CFAP20DC: variants seen among roughly 807,000 people sequenced by gnomAD.
CFAP20DC encodes protein CFAP20DC.
Under a neutral mutation model 101.7 loss-of-function variants are expected in CFAP20DC, and 84 were observed. That is an observed-to-expected ratio of 0.83 (90% confidence interval 0.69 to 0.99). The LOEUF is 0.99. CFAP20DC is among the 50% of genes least tolerant of loss of function. The pLI is 0.00. For missense variants in CFAP20DC, 1,007 were observed against 970.3 expected, an observed-to-expected ratio of 1.04 and a Z score of -0.50; for synonymous variants, 359 against 351.2, an observed-to-expected ratio of 1.02 and a Z score of -0.25.
intron 6 of CFAP20DC, among the ~76,000 whole-genome samples, chr3:58,896,415 T>C (rs1404331020): frequency 2.0e-5 from 3 of 152,294 alleles, no homozygotes; most frequent in African/African-American, 7.2e-5. Flanking sequence ...TTATTTCTTG[T>C]CTCCTGCTAG....
intron 6 of CFAP20DC, among the ~76,000 whole-genome samples, chr3:58,902,705 C>T (rs750874474): frequency 6.6e-6 from 1 of 152,104 alleles, no homozygotes; most frequent in Non-Finnish European, 1.5e-5. Context: ...TAGGACTCTA[C>T]ACAGATACCA....
At position 58,724,443 on chromosome 3, in the gene CFAP20DC, G is replaced by A. The variant is rs1459242061; in HGVS notation, c.198-6815C>T. Among the ~76,000 whole-genome samples the A allele has an allele frequency of 1.3e-5, 2 of 152,154 alleles. No individual in the cohort carries two copies. The highest frequency in any genetic ancestry group is 4.8e-5 in the African/African-American group (2 of 41,428). The stretch of plus-strand genomic sequence containing the variant: ...CCTCTCTCTTATCTGTAAACACTGT[G>A]TTCAAGGAGAAAGGCACTCCTTTGA... On this transcript the variant is annotated intron_variant, in intron 3 of 3. Coordinates refer to the CFAP20DC transcript ENST00000486145. The surrounding 1 kb of genome is among the most constrained non-coding windows in gnomAD (Gnocchi z 5.6).
chr3:58,995,692 C>T (rs555961794), intron 4 of CFAP20DC, among the ~76,000 whole-genome samples: 2 of 152,164 alleles, frequency 1.3e-5, no homozygotes, highest in South Asian at 4.1e-4. Flanking sequence ...AATTGCCTCT[C>T]AAATGTGGTT....
At chr3:58,755,087 C>T (rs1448841868) in intron 15 of CFAP20DC, among the ~76,000 whole-genome samples, 1 of 152,100 alleles carries the variant, frequency 6.6e-6, no homozygotes, top group South Asian at 2.1e-4. Context: ...ACAGTCTATA[C>T]AACAGAGATT....
In CFAP20DC at chr3:58,767,052, C is replaced by G. The variant is rs1364534266; in HGVS notation, c.2238-13189G>C. 3.3e-5 allele frequency among the ~76,000 whole-genome samples: 5 copies of G among 152,150 alleles called. No individual in the cohort carries two copies. The East Asian group carries it at 9.6e-4, about 29-fold the overall frequency. On this transcript the variant is annotated intron_variant, in intron 15 of 16. Transcript: ENST00000482387. ...TGATCATTTGATGAATGTCGCAACC[C>G]CATTAGACTCTAGCTCCTAGTAGAG...
chr3:58,823,891 A>G (rs931004178), intron 14 of CFAP20DC, among the ~76,000 whole-genome samples: 2 of 152,170 alleles, frequency 1.3e-5, no homozygotes, highest in Non-Finnish European at 2.9e-5. Context: ...TACAATTTAA[A>G]AAATCAGTTT....
At chr3:58,818,564 A>C in intron 14 of CFAP20DC, among the ~76,000 whole-genome samples, 1 of 149,552 alleles carries the variant, frequency 6.7e-6, no homozygotes. Context: ...ATAATGGTAA[A>C]GGGATCAATT....
intron 15 of CFAP20DC, among the ~76,000 whole-genome samples, chr3:58,762,760 T>C (rs2069775892): frequency 6.6e-6 from 1 of 152,218 alleles, no homozygotes; most frequent in South Asian, 2.1e-4. Flanking sequence ...CAGCATTTGC[T>C]TGTCTGTAAA....
At chr3:58,890,059 G>A (rs1413679790) in intron 6 of CFAP20DC, among the ~76,000 whole-genome samples, 2 of 150,498 alleles carry the variant, frequency 1.3e-5, no homozygotes, top group Non-Finnish European at 1.5e-5. Context: ...TTCTCAATGA[G>A]CTGTTGGGCA....
rs1340541137 is a variant in CFAP20DC, at chr3:58,776,881, G to A, written c.2238-23018C>T. Among the ~76,000 whole-genome samples the A allele has an allele frequency of 2.0e-5, 3 of 151,892 alleles. No homozygotes were observed. In the East Asian group the frequency reaches 5.8e-4, roughly 29 times the overall value. ...AAGAGACAGTCCCTTCACCATTTGA[G>A]GTCTGGGATTCAATCTTGCCTGCAG... is the stretch of plus-strand genomic sequence containing the variant. On this transcript the variant is annotated intron_variant, in intron 15 of 16. Transcript: ENST00000482387.
chr3:58,906,065 C>T (rs2083556940), intron 6 of CFAP20DC, among the ~76,000 whole-genome samples: 1 of 152,168 alleles, frequency 6.6e-6, no homozygotes, highest in South Asian at 2.1e-4. Context: ...CTCTCCATGC[C>T]TCAGTTTTCC....
At position 58,732,833 on chromosome 3, in the gene CFAP20DC, T is replaced by C. The variant is rs1238383526; in HGVS notation, c.198-15205A>G. ...ACACTGGTATGTCTTTGGTGAAATG[T>C]TCTATATCTATAACTTGTGATTAAG... On this transcript the variant is annotated intron_variant, in intron 3 of 3. Coordinates refer to the CFAP20DC transcript ENST00000486145. The surrounding 1 kb of genome is among the most constrained non-coding windows in gnomAD (Gnocchi z 5.4). 6.6e-6 allele frequency among the ~76,000 whole-genome samples: 1 copy of C among 152,220 alleles called. No homozygotes were observed. Among genetic ancestry groups the C allele is most frequent in the African/African-American group, 2.4e-5 (1 of 41,448 alleles).
chr3:58,833,385 T>A (rs528022399), intron 13 of CFAP20DC, among the ~76,000 whole-genome samples: 2 of 151,940 alleles, frequency 1.3e-5, no homozygotes, highest in Admixed American at 6.6e-5. Flanking sequence ...AAAATGTATA[T>A]CCCAATGAAA....
intron 4 of CFAP20DC, among the ~76,000 whole-genome samples, chr3:58,993,062 T>C (rs564006849): frequency 3.2e-4 from 49 of 152,150 alleles, no homozygotes; most frequent in Non-Finnish European, 6.2e-4. Context: ...ACGTGGGGAG[T>C]ACTTTTCCAA....
chr3:58,985,343 C>A (rs551388044), intron 4 of CFAP20DC, among the ~76,000 whole-genome samples: 196 of 152,262 alleles, frequency 1.3e-3, no homozygotes, highest in African/African-American at 4.6e-3. Flanking sequence ...TCTACTCTTG[C>A]TTTTCAATAT....
chr3:58,996,140 G>C (rs1242765752), intron 4 of CFAP20DC, among the ~76,000 whole-genome samples: 3 of 151,766 alleles, frequency 2.0e-5, no homozygotes, highest in African/African-American at 4.9e-5. Context: ...TTCCCTTCTA[G>C]GTAACAACAC....
chr3:58,902,320 A>G (rs1405538336), intron 6 of CFAP20DC, among the ~76,000 whole-genome samples: 1 of 152,214 alleles, frequency 6.6e-6, no homozygotes, highest in Non-Finnish European at 1.5e-5. Context: ...AGGAATGGAA[A>G]TGTAGGGTTA....
At chr3:58,817,727 T>C (rs2107864054) in intron 14 of CFAP20DC, among the ~76,000 whole-genome samples, 1 of 151,386 alleles carries the variant, frequency 6.6e-6, no homozygotes, top group South Asian at 2.1e-4. Context: ...CAGGATATTA[T>C]CCAGGAGAAC....
intron 7 of CFAP20DC, among the ~76,000 whole-genome samples, chr3:58,883,978 T>G (rs1158740537): frequency 1.3e-5 from 2 of 152,284 alleles, no homozygotes; most frequent in East Asian, 3.9e-4. Context: ...ATGTTTTGTT[T>G]GGCCCATGGA....
Sources: allele counts gnomAD v4.1 joint callset (sites outside exome capture counted in the v4.1 genomes callset), GRCh38; gene constraint gnomAD v4.1.1; non-coding constraint Gnocchi (gnomAD v3.1); transcripts MANE v1.5; gene names NCBI Gene and HGNC (gene_info 2026-07-23, HGNC 2026-07-21).